UBLCP1: variants seen among roughly 807,000 people sequenced by gnomAD.
UBLCP1 encodes the protein ubiquitin like domain containing CTD phosphatase 1.
In UBLCP1, 28 loss-of-function variants were observed where a neutral mutation model predicts 42.4. The ratio of observed to expected loss-of-function variants is 0.66; its 90% CI spans 0.49 to 0.90. The LOEUF (loss-of-function observed/expected upper bound fraction) is 0.90, where lower values mean the gene tolerates loss of function less well. UBLCP1 is among the 40% of genes least tolerant of loss of function. The pLI, the probability that UBLCP1 is intolerant of heterozygous loss-of-function variation, is 0.00. For missense variants in UBLCP1, 279 were observed against 374.5 expected (o/e 0.75, Z 2.10); for synonymous variants, 122 against 120.8 (o/e 1.01, Z -0.07).
intron 2 of UBLCP1, among the ~76,000 whole-genome samples, chr5:159,269,707 C>A (rs373620056): frequency 7.2e-5 from 11 of 152,106 alleles, no homozygotes; most frequent in Non-Finnish European, 2.9e-5. Flanking sequence ...GAGAAAATAA[C>A]CCTTGTATTA....
chr5:159,272,266 A>G, intron 6 of UBLCP1, 145 bp downstream of exon 6: 1 of 642,838 alleles, frequency 1.6e-6, no homozygotes, highest in Non-Finnish European at 2.6e-6. Flanking sequence ...TGAAGCATGT[A>G]TCACAATATA....
intron 3 of UBLCP1, 129 bp downstream of exon 3, chr5:159,270,128 C>T (rs1345729724): frequency 1.6e-5 from 13 of 798,978 alleles, no homozygotes; most frequent in East Asian, 2.7e-5. Flanking sequence ...AAACCCGCAC[C>T]GTGAATGTGT....
At chr5:159,278,403 G>A (rs1753564253) in intron 9 of UBLCP1, 49 bp downstream of exon 9, 5 of 1,314,512 alleles carry the variant, frequency 3.8e-6, no homozygotes, top group Non-Finnish European at 5.5e-6. Flanking sequence ...TGGGCTGTGT[G>A]GTAGAACTTT....
At chr5:159,278,388 T>C in intron 9 of UBLCP1, 34 bp downstream of exon 9, 4 of 1,414,192 alleles carry the variant, frequency 2.8e-6, no homozygotes, top group Non-Finnish European at 4.0e-6. Context: ...TGTGCTCATG[T>C]AATCTGGGCT....
At chr5:159,264,084 T>C (rs752464860) in intron 1 of UBLCP1, among the ~76,000 whole-genome samples, 9 of 152,244 alleles carry the variant, frequency 5.9e-5, no homozygotes, top group Non-Finnish European at 1.2e-4. Flanking sequence ...CAGGTGTTAC[T>C]TCATACCTTA....
At chr5:159,271,413 T>C (rs1208937984) in intron 5 of UBLCP1, among the ~76,000 whole-genome samples, 1 of 151,768 alleles carries the variant, frequency 6.6e-6, no homozygotes, top group Non-Finnish European at 1.5e-5. Context: ...AGCTATGGAG[T>C]GCCACTGCAC....
intron 10 of UBLCP1, 146 bp from the exon 11 acceptor site, chr5:159,284,758 A>G: frequency 1.3e-6 from 1 of 793,966 alleles, no homozygotes; most frequent in Non-Finnish European, 2.2e-6. Flanking sequence ...CTGTGCGTGC[A>G]CATAATCAGT....
intron 9 of UBLCP1, among the ~76,000 whole-genome samples, chr5:159,281,740 T>C (rs905882851): frequency 2.6e-5 from 4 of 152,182 alleles, no homozygotes; most frequent in Non-Finnish European, 5.9e-5. Flanking sequence ...TTCCCTACAC[T>C]TAATAGGTAT....
Position 159,285,410 on chromosome 5 carries a change from A to C in UBLCP1, c.*479A>C, listed in dbSNP as rs943243636. The C allele has an allele frequency of 6.6e-6, 1 of 152,486 alleles. No individual in the cohort carries two copies. Among genetic ancestry groups the C allele is most frequent in the African/African-American group, 2.4e-5 (1 of 41,438 alleles). 9.4% of individuals were successfully genotyped at this position (152,486 alleles called of 1,614,324 possible). A position where few individuals can be genotyped will look rare whatever the true frequency, so the allele number is the denominator to read the frequency against. ...AAACAAACCAAAAAAAAAAACAAAA[A>C]AAAACTTTTTAATTAAAGAACCTAG... On this transcript the variant is annotated 3_prime_UTR_variant, in exon 11 of 11. Transcript: ENST00000296786.
rs750452543 is a variant in UBLCP1, at chr5:159,270,376, C to T, written c.263C>T (p.Pro88Leu). ...TCTTAATAGGAAGATGTCTTAGGTC[C>T]ACCCCCTGACAATGATGATGTTGTT... is the stretch of plus-strand genomic sequence containing the variant. The part of the protein sequence containing the change: ...REESLEDVLG[P>L]PPDNDDVVND... The change falls in exon 4 of 11, where the codon CCA becomes CTA. Residue 88 changes from proline (P) to leucine (L), a missense_variant. Physicochemically the swap from Pro to Leu is moderately conservative, Grantham distance 98. Coordinates refer to ENST00000296786, the MANE Select transcript of UBLCP1 (RefSeq NM_145049.5). 1.9e-6 allele frequency: 3 copies of T among 1,613,176 alleles called. No individual in the cohort carries two copies.
At chr5:159,272,902 C>T (rs1482358808) in intron 6 of UBLCP1, among the ~76,000 whole-genome samples, 2 of 152,190 alleles carry the variant, frequency 1.3e-5, no homozygotes, top group Non-Finnish European at 2.9e-5. Flanking sequence ...TGAAGCAATG[C>T]ATTGATTTAC....
At chr5:159,277,183 G>A (rs777192605) in intron 8 of UBLCP1, among the ~76,000 whole-genome samples, 3 of 151,134 alleles carry the variant, frequency 2.0e-5, no homozygotes, top group African/African-American at 7.3e-5. Context: ...GGGGAGTAGG[G>A]GGCGGTTTCT....
At chr5:159,266,643 C>T (rs942672432) in intron 1 of UBLCP1, among the ~76,000 whole-genome samples, 5 of 152,238 alleles carry the variant, frequency 3.3e-5, no homozygotes, top group East Asian at 3.9e-4. Flanking sequence ...ATGGCAGCCC[C>T]TCCCAGCACA....
In UBLCP1 at chr5:159,274,898, G is replaced by T. The variant is rs561892015; in HGVS notation, c.586-250G>T. Among the ~76,000 whole-genome samples, 3 of 152,174 alleles carry T rather than the reference G, an allele frequency of 2.0e-5. No homozygotes were observed. The East Asian group carries it at 5.8e-4, about 29-fold the overall frequency. On this transcript the variant is annotated intron_variant, in intron 7 of 10. Coordinates refer to ENST00000296786, the MANE Select transcript of UBLCP1 (RefSeq NM_145049.5). Reference sequence around the variant, plus strand: ...ACTTTATTTTCCTTCTTTTGCTCTAGTGTGCAATACTTAAAGAGTCAGTAT... The same window carrying T: ...ACTTTATTTTCCTTCTTTTGCTCTATTGTGCAATACTTAAAGAGTCAGTAT...
intron 3 of UBLCP1, 122 bp downstream of exon 3, chr5:159,270,121 C>G: frequency 1.1e-6 from 1 of 915,450 alleles, no homozygotes; most frequent in Non-Finnish European, 1.6e-6. Context: ...AAAAATAAAA[C>G]CCGCACCGTG....
intron 10 of UBLCP1, among the ~76,000 whole-genome samples, chr5:159,284,530 A>AT (rs1467979297): frequency 6.6e-6 from 1 of 152,204 alleles, no homozygotes; most frequent in African/African-American, 2.4e-5. Context: ...ATACTAGTTA[A>AT]TATAGTGACT....
intron 1 of UBLCP1, among the ~76,000 whole-genome samples, chr5:159,264,815 A>T (rs865905464): frequency 2.2e-4 from 34 of 152,316 alleles, no homozygotes; most frequent in African/African-American, 7.9e-4. Context: ...TTTGAAAACC[A>T]CTAGTCTAGA....
intron 8 of UBLCP1, 76 bp downstream of exon 8, chr5:159,275,322 A>C: frequency 9.5e-7 from 1 of 1,052,778 alleles, no homozygotes; most frequent in Non-Finnish European, 1.4e-6. Context: ...ATACCTATGG[A>C]GTAAATAGTG....
In UBLCP1 at chr5:159,278,370, A is replaced by G; in HGVS notation, c.801+16A>G. 1 of 1,516,638 alleles carries G rather than the reference A, an allele frequency of 6.6e-7. No individual in the cohort carries two copies. Among genetic ancestry groups the G allele is most frequent in the Admixed American group, 1.7e-5 (1 of 59,884 alleles). 93.9% of individuals were successfully genotyped at this position (1,516,638 alleles called of 1,614,324 possible). On this transcript the variant is annotated intron_variant, in intron 9 of 10. Transcript: ENST00000296786. ...TGGACTAAAGGTAAGACATACTTTT[A>G]CTTGTTATGTGCTCATGTAATCTGG... is the stretch of plus-strand genomic sequence containing the variant.
Sources: allele counts gnomAD v4.1 joint callset (sites outside exome capture counted in the v4.1 genomes callset), GRCh38; gene constraint gnomAD v4.1.1; transcripts MANE v1.5; gene names NCBI Gene and HGNC (gene_info 2026-07-23, HGNC 2026-07-21).